The following WWOX variants were observed in gnomAD, a reference collection of about 807,000 sequenced individuals.
WWOX encodes the protein WW domain containing oxidoreductase.
In WWOX, 69 loss-of-function variants were observed where a neutral mutation model predicts 46.2. The observed-to-expected ratio is 1.49, with a 90% CI of 1.23 to 1.82. WWOX has a LOEUF of 1.82. Ranked by LOEUF, WWOX falls within the 40% of genes most tolerant of loss-of-function variation. The pLI is 0.00. For missense variants in WWOX, 919 were observed against 542.6 expected (o/e 1.69, Z -6.89); for synonymous variants, 359 against 202.6 (o/e 1.77, Z -6.56).
At chr16:78,846,807 C>T (rs2052310621) in intron 8 of WWOX, among the ~76,000 whole-genome samples, 1 of 152,116 alleles carries the variant, frequency 6.6e-6, no homozygotes, top group African/African-American at 2.4e-5. Context: ...ATGATTAATA[C>T]TGTGGTATTC....
intron 8 of WWOX, among the ~76,000 whole-genome samples, chr16:78,583,860 G>C (rs1178686169): frequency 2.0e-5 from 3 of 152,162 alleles, no homozygotes; most frequent in African/African-American, 7.2e-5. Context: ...AGCTTTATTC[G>C]AGCAAAGCTG....
intron 8 of WWOX, among the ~76,000 whole-genome samples, chr16:78,991,802 C>T (rs923918997): frequency 6.6e-6 from 1 of 152,092 alleles, no homozygotes; most frequent in Admixed American, 6.6e-5. Flanking sequence ...TTCAGGAGAT[C>T]TTGGTAGTTT....
intron 5 of WWOX, among the ~76,000 whole-genome samples, chr16:78,298,286 C>G (rs2079975078): frequency 6.6e-6 from 1 of 152,110 alleles, no homozygotes; most frequent in Admixed American, 6.5e-5. Flanking sequence ...CTTTCTTAGG[C>G]AGGATCTCGA....
intron 5 of WWOX, among the ~76,000 whole-genome samples, chr16:78,222,408 G>A (rs1383330779): frequency 1.3e-5 from 2 of 151,508 alleles, no homozygotes; most frequent in East Asian, 1.9e-4. Flanking sequence ...GACAACCTGT[G>A]CCCACAGCCT....
chr16:79,200,597 G>C (rs560367242), intron 8 of WWOX, among the ~76,000 whole-genome samples: 1 of 152,128 alleles, frequency 6.6e-6, no homozygotes, highest in African/African-American at 2.4e-5. Context: ...GCACCTAAGA[G>C]ACTCTCAGTA....
chr16:78,705,456 CCTT>C (rs1246623996), intron 8 of WWOX, among the ~76,000 whole-genome samples: 3 of 152,158 alleles, frequency 2.0e-5, no homozygotes, highest in Non-Finnish European at 4.4e-5. Context: ...AGTGGAGGCT[CCTT>C]CTTTGTTCTG....
At chr16:79,016,123 C>T (rs908141781) in intron 8 of WWOX, 1 of 152,186 alleles carries the variant, frequency 6.6e-6, no homozygotes, top group African/African-American at 2.4e-5. Context: ...CTTTGTAATC[C>T]TCTATTTAAG....
chr16:78,824,349 A>C (rs2151148099), intron 8 of WWOX, among the ~76,000 whole-genome samples: 1 of 152,244 alleles, frequency 6.6e-6, no homozygotes, highest in South Asian at 2.1e-4. Flanking sequence ...ATTCAGTCCA[A>C]GCTCCTCCCA....
At chr16:78,723,605 T>C (rs528529468) in intron 8 of WWOX, among the ~76,000 whole-genome samples, 21 of 24,574 alleles carry the variant, frequency 8.5e-4, no homozygotes, top group African/African-American at 5.8e-3. Flanking sequence ...TTCTTTTCTT[T>C]TCTTTTCTTT....
intron 8 of WWOX, among the ~76,000 whole-genome samples, chr16:78,811,793 G>C (rs1036566945): frequency 2.0e-5 from 3 of 152,052 alleles, no homozygotes; most frequent in East Asian, 3.9e-4. Flanking sequence ...TGATGGTCAG[G>C]GCTTTGACAT....
At chr16:78,517,855 A>ATTTTTTTTTTTTTTTTT in intron 8 of WWOX, among the ~76,000 whole-genome samples, 2 of 86,394 alleles carry the variant, frequency 2.3e-5, no homozygotes, top group Non-Finnish European at 4.5e-5. Context: ...TACACAACCT[A>ATTTTTTTTTTTTTTTTT]TTTTTTTTTT....
intron 8 of WWOX, among the ~76,000 whole-genome samples, chr16:78,905,299 A>G (rs1445325459): frequency 1.3e-5 from 2 of 152,208 alleles, no homozygotes; most frequent in South Asian, 2.1e-4. Context: ...TTTACTTCCA[A>G]TATGAAGCAA....
intron 8 of WWOX, among the ~76,000 whole-genome samples, chr16:78,904,234 CTTTT>C (rs5818190): frequency 1.2e-5 from 1 of 85,774 alleles, no homozygotes; most frequent in Non-Finnish European, 2.3e-5. Flanking sequence ...TTATAAATGC[CTTTT>C]TTTTTTTTTT....
chr16:78,454,075 C>A (rs963280086), intron 8 of WWOX, among the ~76,000 whole-genome samples: 2 of 152,126 alleles, frequency 1.3e-5, no homozygotes, highest in Admixed American at 1.3e-4. Context: ...TATTTATTAA[C>A]TAATACCCAA....
At chr16:79,125,917 C>G (rs2049743576) in intron 8 of WWOX, among the ~76,000 whole-genome samples, 1 of 152,196 alleles carries the variant, frequency 6.6e-6, no homozygotes, top group South Asian at 2.1e-4. Flanking sequence ...TCTGTCTTCT[C>G]CAGGAGACTG....
intron 8 of WWOX, among the ~76,000 whole-genome samples, chr16:78,685,714 A>C (rs899495544): frequency 2.6e-5 from 4 of 152,140 alleles, no homozygotes; most frequent in Non-Finnish European, 5.9e-5. Context: ...CCCTCTTTGA[A>C]ATTATTCCGA....
chr16:78,894,018 C>CTTT (rs1156813849), intron 8 of WWOX, among the ~76,000 whole-genome samples: 2 of 33,722 alleles, frequency 5.9e-5, no homozygotes, highest in East Asian at 1.9e-3. Flanking sequence ...TTTATTGAGG[C>CTTT]TTTTATTATT....
At chr16:78,194,321 C>A (rs922543559) in intron 5 of WWOX, among the ~76,000 whole-genome samples, 1 of 151,734 alleles carries the variant, frequency 6.6e-6, no homozygotes, top group African/African-American at 2.4e-5. Context: ...GGCGTGGTGT[C>A]TCACACCTGT....
chr16:78,799,996 C>CT (rs997340761), intron 8 of WWOX, among the ~76,000 whole-genome samples: 37 of 152,118 alleles, frequency 2.4e-4, no homozygotes, highest in African/African-American at 7.0e-4. Flanking sequence ...CCGATGAACT[C>CT]TTTTTTCTCT....
Sources: allele counts gnomAD v4.1 joint callset (sites outside exome capture counted in the v4.1 genomes callset), GRCh38; gene constraint gnomAD v4.1.1; transcripts MANE v1.5; gene names NCBI Gene and HGNC (gene_info 2026-07-23, HGNC 2026-07-21).